BTBD2: variants seen among roughly 807,000 people sequenced by gnomAD.
BTBD2 encodes BTB domain containing 2.
Under a neutral mutation model 44.0 loss-of-function variants are expected in BTBD2, and 15 were observed. That is an observed-to-expected ratio of 0.34 (90% confidence interval 0.23 to 0.53). The LOEUF (loss-of-function observed/expected upper bound fraction) is 0.53. Ranked by LOEUF, BTBD2 falls within the 20% of genes least tolerant of loss-of-function variation. The probability of loss-of-function intolerance (pLI) is 0.95; values close to 1 mark genes in which losing one functional copy is unlikely to be tolerated. For synonymous variants in BTBD2, 443 were observed against 335.9 expected (o/e 1.32, Z -3.49); for missense variants, 657 against 746.4 (o/e 0.88, Z 1.39).
chr19:1,990,539 C>CA (rs2016160732), intron 4 of BTBD2, among the ~76,000 whole-genome samples, 178 bp downstream of exon 4: 2 of 152,212 alleles, frequency 1.3e-5, no homozygotes, highest in African/African-American at 4.8e-5. Flanking sequence ...GGCCTCCTGG[C>CA]CAAGGCCCCG....
chr19:1,989,780 G>A (rs1040957786), intron 5 of BTBD2: 20 of 584,762 alleles, frequency 3.4e-5, no homozygotes, highest in African/African-American at 2.2e-4. Context: ...GGACAGACAC[G>A]AGAGGCGGGG....
At chr19:1,989,658 T>C (rs77228745) in intron 5 of BTBD2, 6,498 of 342,800 alleles carry the variant, frequency 0.019, 104 homozygotes, top group East Asian at 0.042. Context: ...ACCCCGGCCA[T>C]GTCAGAGCCC....
At position 2,001,763 on chromosome 19, in the gene BTBD2, A is replaced by C. The variant is rs148213374; in HGVS notation, c.408-4300T>G. On this transcript the variant is annotated intron_variant, in intron 1 of 8. Coordinates refer to ENST00000255608, the MANE Select transcript of BTBD2 (RefSeq NM_017797.4). The stretch of plus-strand genomic sequence containing the variant: ...TTGCTGTTTTTGTGTTTTGAGACGG[A>C]GTCTCGCTCTGCCGCCCAGGCTGGA... 2.0e-5 allele frequency among the ~76,000 whole-genome samples: 3 copies of C among 152,322 alleles called. No individual in the cohort carries two copies. The South Asian group carries it at 6.2e-4, about 32-fold the overall frequency.
In BTBD2 at chr19:1,991,945, G is replaced by C. The variant is rs1263209403; in HGVS notation, c.684+1075C>G. 2.0e-5 allele frequency: 3 copies of C among 151,614 alleles called. No homozygotes were observed. In the South Asian group the frequency reaches 6.3e-4, roughly 32 times the overall value. 9.4% of individuals were successfully genotyped at this position (151,614 alleles called of 1,614,324 possible). ...TTTTTTTCTTTTTTTTTAGCCAGGC[G>C]CGGTGGTGGGGGCCTGTAATCCCAG... On this transcript the variant is annotated intron_variant, in intron 3 of 8. Transcript: ENST00000255608.
chr19:1,991,260 C>A (rs760025057), intron 3 of BTBD2: 14 of 168,526 alleles, frequency 8.3e-5, no homozygotes, highest in Non-Finnish European at 1.7e-4. Flanking sequence ...GCCGTGTCCC[C>A]GGCAGCTCCA....
At chr19:2,002,537 G>C (rs2016342454) in intron 1 of BTBD2, 1 of 152,204 alleles carries the variant, frequency 6.6e-6, no homozygotes, top group Non-Finnish European at 1.5e-5. Context: ...CCACCTGTGG[G>C]GTCTGTGCTC....
intron 1 of BTBD2, among the ~76,000 whole-genome samples, chr19:1,999,170 G>A (rs938464835): frequency 6.6e-6 from 1 of 152,114 alleles, no homozygotes; most frequent in Non-Finnish European, 1.5e-5. Flanking sequence ...AGCCCACCCG[G>A]TCCAGCCCAG....
In BTBD2 at chr19:1,986,674, G is replaced by A. The variant is rs757719170; in HGVS notation, c.1417-25C>T. 7.4e-5 allele frequency: 119 copies of A among 1,608,776 alleles called. No individual in the cohort carries two copies. In the South Asian group the frequency reaches 1.3e-3, roughly 17 times the overall value. The stretch of plus-strand genomic sequence containing the variant: ...CCTGTAGGGAATAGGGGTACAGTGA[G>A]GTCAAGGACCACCAGGCTGGGATGC... On this transcript the variant is annotated intron_variant, in intron 8 of 8. Coordinates refer to ENST00000255608, the MANE Select transcript of BTBD2 (RefSeq NM_017797.4).
intron 1 of BTBD2, among the ~76,000 whole-genome samples, chr19:2,009,105 G>C (rs1019606929): frequency 6.6e-6 from 1 of 151,022 alleles, no homozygotes; most frequent in East Asian, 2.0e-4. Flanking sequence ...TGCAACCTCC[G>C]CCTCCCAGGT....
chr19:1,987,826 C>T (rs560588300), intron 5 of BTBD2, 134 bp from the exon 6 acceptor site: 33 of 904,824 alleles, frequency 3.6e-5, no homozygotes, highest in South Asian at 2.3e-4. Flanking sequence ...AGCCCCTCCC[C>T]GGGGGACTAG....
At chr19:1,988,071 A>T (rs2016118629) in intron 5 of BTBD2, 1 of 215,042 alleles carries the variant, frequency 4.7e-6, no homozygotes, top group Middle Eastern at 1.7e-3. Context: ...GGGAGGGGTC[A>T]CTGTGGCTCC....
In BTBD2 at chr19:1,990,710, C is replaced by A; in HGVS notation, c.790+7G>T. The A allele has an allele frequency of 6.3e-7, 1 of 1,591,128 alleles. No homozygotes were observed. The highest frequency in any genetic ancestry group is 8.6e-7 in the Non-Finnish European group (1 of 1,169,260). ...GGATTCCCACACCTGGGCTCCTGGG[C>A]CCTTACCCAGGTCAATGTCGGTGAA... On this transcript the variant is annotated splice_region_variant and intron_variant, in intron 4 of 8. Coordinates refer to ENST00000255608, the MANE Select transcript of BTBD2 (RefSeq NM_017797.4).
intron 1 of BTBD2, among the ~76,000 whole-genome samples, chr19:2,009,881 C>A (rs867244597): frequency 6.6e-6 from 1 of 151,198 alleles, no homozygotes; most frequent in East Asian, 2.0e-4. Context: ...AGGCCAGGTG[C>A]GGTGGCTCAC....
In BTBD2 at chr19:1,986,958, T is replaced by C; in HGVS notation, c.1288A>G (p.Asn430Asp). Residue 430 changes from asparagine to aspartate, a missense_variant, in exon 8 of 9, where the codon AAC (asparagine) becomes GAC (aspartate). By Grantham distance (23) the Asn-to-Asp change is conservative. Around this residue, in one of 3 missense-constraint regions of BTBD2, gnomAD observed 449 missense variants for 510.9 expected, o/e 0.88. Transcript: ENST00000255608. ...VNIQIIHTDS[N>D]TVLGQNDTGF... ...GTGTCGTTCTGGCCCAAGACGGTGTTGCTATCGGTGTGAATAATCTGCGGG... is the reference window on the plus strand; with the variant it reads ...GTGTCGTTCTGGCCCAAGACGGTGTCGCTATCGGTGTGAATAATCTGCGGG... 3 of 1,612,770 alleles carry C rather than the reference T, an allele frequency of 1.9e-6. No individual in the cohort carries two copies. The highest frequency in any genetic ancestry group is 2.5e-6 in the Non-Finnish European group (3 of 1,179,488).
chr19:1,994,065 C>T (rs1015238568), intron 2 of BTBD2, among the ~76,000 whole-genome samples: 1 of 148,964 alleles, frequency 6.7e-6, no homozygotes. Flanking sequence ...GCCTGTAATC[C>T]CAGCACTTTG....
intron 4 of BTBD2, chr19:1,990,477 C>G (rs1254637424): frequency 4.9e-6 from 3 of 609,164 alleles, no homozygotes; most frequent in Admixed American, 3.0e-5. Context: ...AGCCATGGAC[C>G]ATCGGAGGAC....
Position 1,986,638 on chromosome 19 carries a change from G to A in BTBD2, c.1428C>T (p.Ser476=). The change falls in exon 9 of 9, where the codon TCC becomes TCT. Residue 476 remains serine (S), a synonymous_variant. Transcript: ENST00000255608. ...TGCGCAGGCCTTTGGTGCCGTAGTG[G>A]GAGTCTGGGCCCTGTAGGGAATAGG... The part of the protein sequence containing the change: ...TACATLKGPD[S]HYGTKGLRKV... 6.2e-7 allele frequency: 1 copy of A among 1,613,816 alleles called. No individual in the cohort carries two copies. The highest frequency in any genetic ancestry group is 8.5e-7 in the Non-Finnish European group (1 of 1,179,838).
At chr19:1,988,982 G>C (rs1233321201) in intron 5 of BTBD2, among the ~76,000 whole-genome samples, 1 of 151,850 alleles carries the variant, frequency 6.6e-6, no homozygotes. Flanking sequence ...GCGCGATCTC[G>C]GCTCATCACA....
chr19:1,993,449 T>G (rs1257449988), intron 2 of BTBD2, among the ~76,000 whole-genome samples: 2 of 152,142 alleles, frequency 1.3e-5, no homozygotes, highest in African/African-American at 4.8e-5. Context: ...AGCGTCTATA[T>G]GGCCTGTCTT....
Sources: gnomAD v4.1 joint callset for allele counts (sites outside exome capture counted in the v4.1 genomes callset) on GRCh38, gnomAD v4.1.1 for gene constraint, gnomAD v4.1.1 regional missense constraint, MANE v1.5 for transcripts, NCBI Gene and HGNC (gene_info 2026-07-23, HGNC 2026-07-21) for gene names.